PARP14: variants seen among roughly 807,000 people sequenced by gnomAD.
PARP14 encodes the protein protein mono-ADP-ribosyltransferase PARP14.
A neutral mutation model predicts 154.2 loss-of-function variants in PARP14; 59 were observed. The observed-to-expected ratio is 0.38, with a 90% confidence interval of 0.31 to 0.48. The LOEUF is 0.48. PARP14 is among the 20% of genes least tolerant of loss of function. The pLI, the probability that PARP14 is intolerant of heterozygous loss-of-function variation, is 0.98. For missense variants in PARP14, 1,734 were observed against 2,131.6 expected (o/e 0.81, Z 3.67); for synonymous variants, 720 against 780.5 (o/e 0.92, Z 1.29).
Position 122,695,672 on chromosome 3 carries a change from A to G in PARP14, c.835+10A>G. On this transcript the variant is annotated intron_variant, in intron 5 of 16. Coordinates refer to ENST00000474629, the MANE Select transcript of PARP14 (RefSeq NM_017554.3). ...TTTTTTGACAGAAAAGGTAATATTT[A>G]TTAACCTGTCATACCTGGCATAATC... 7.6e-7 allele frequency: 1 copy of G among 1,311,428 alleles called. No homozygotes were observed. The highest frequency in any genetic ancestry group is 1.2e-5 in the South Asian group (1 of 81,990). 81.2% of individuals were successfully genotyped at this position (1,311,428 alleles called of 1,614,324 possible). A position where few individuals can be genotyped will look rare whatever the true frequency, so the allele number is the denominator to read the frequency against.
intron 5 of PARP14, 59 bp from the exon 6 acceptor site, chr3:122,699,331 T>G: frequency 9.9e-7 from 1 of 1,008,524 alleles, no homozygotes; most frequent in Non-Finnish European, 1.4e-6. Flanking sequence ...AATTTTGTTT[T>G]GTTTTTATTT....
At position 122,699,559 on chromosome 3, in the gene PARP14, G is replaced by A. The variant is rs770189296; in HGVS notation, c.1005G>A (p.Gln335=). 6.2e-7 allele frequency: 1 copy of A among 1,614,004 alleles called. No individual in the cohort carries two copies. Among genetic ancestry groups the A allele is most frequent in the South Asian group, 1.1e-5 (1 of 91,084 alleles). The change falls in exon 6 of 17, where the codon CAG becomes CAA. Residue 335 remains glutamine, a synonymous_variant. Transcript: ENST00000474629. ...SLDLPLWKFL[Q]KKNHLIEEIN... is the part of the protein sequence containing the mutation. The stretch of plus-strand genomic sequence containing the variant: ...ATCTTCCCTTATGGAAGTTCTTACA[G>A]AAAAAGAATCACCTCATTGAGGAGA...
intron 12 of PARP14, among the ~76,000 whole-genome samples, chr3:122,716,753 TC>T (rs1156260280): frequency 6.6e-6 from 1 of 152,188 alleles, no homozygotes; most frequent in Non-Finnish European, 1.5e-5. Flanking sequence ...GCTCCATGCT[TC>T]CTCCATACCC....
At chr3:122,724,850 C>T (rs1395000301) in intron 15 of PARP14, among the ~76,000 whole-genome samples, 1 of 152,024 alleles carries the variant, frequency 6.6e-6, no homozygotes, top group Non-Finnish European at 1.5e-5. Flanking sequence ...GTGGTGATGA[C>T]TCTTAAGGAG....
Position 122,701,552 on chromosome 3 carries a change from A to G in PARP14, c.2998A>G (p.Lys1000Glu). 1 of 1,610,822 alleles carries G rather than the reference A, an allele frequency of 6.2e-7. No homozygotes were observed. The highest frequency in any genetic ancestry group is 8.5e-7 in the Non-Finnish European group (1 of 1,178,248). The change falls in exon 6 of 17, where the codon AAA becomes GAA. Residue 1000 changes from lysine to glutamate, a missense_variant. Physicochemically the swap from Lys to Glu is moderately conservative, Grantham distance 56. This residue lies in a region of PARP14 where 1,646 missense variants were observed against 1,976.0 expected (regional missense o/e 0.83). Transcript: ENST00000474629. The surrounding 1 kb of genome is among the most constrained non-coding windows in gnomAD (Gnocchi z 4.0). Reference protein sequence around the residue: ...GLPPAAAGPGKTSWEKGSLVS... With the variant: ...GLPPAAAGPGETSWEKGSLVS... Reference sequence around the variant, plus strand: ...ACCACCAGCAGCAGCGGGGCCTGGGAAAACATCATGGGAAAAAGGAAGCCT... The same window carrying G: ...ACCACCAGCAGCAGCGGGGCCTGGGGAAACATCATGGGAAAAAGGAAGCCT...
chr3:122,694,379 T>A (rs1335949731), intron 4 of PARP14, among the ~76,000 whole-genome samples: 2 of 152,174 alleles, frequency 1.3e-5, no homozygotes, highest in African/African-American at 4.8e-5. Flanking sequence ...CCAGTATTAG[T>A]CTTCCCACCT....
chr3:122,705,904 C>A (rs958764711), intron 8 of PARP14, among the ~76,000 whole-genome samples: 1 of 152,198 alleles, frequency 6.6e-6, no homozygotes, highest in Non-Finnish European at 1.5e-5. Context: ...GCAACAGAAG[C>A]TTTTAAAATA....
intron 9 of PARP14, among the ~76,000 whole-genome samples, chr3:122,710,238 A>G (rs1317729967): frequency 6.6e-6 from 1 of 152,046 alleles, no homozygotes; most frequent in Non-Finnish European, 1.5e-5. Flanking sequence ...TTTTTATATG[A>G]GGTGAGAGAT....
Position 122,700,742 on chromosome 3 carries a change from A to G in PARP14, c.2188A>G (p.Ile730Val), listed in dbSNP as rs776983030. 3.7e-6 allele frequency: 6 copies of G among 1,613,420 alleles called. No homozygotes were observed. Among genetic ancestry groups the G allele is most frequent in the East Asian group, 2.2e-5 (1 of 44,888 alleles). The stretch of plus-strand genomic sequence containing the variant: ...GACCGAAGTACTGAAGGCAGTGGAC[A>G]TTGTCAAGCAAGTCTGGGATTCAGT... ...SKTEVLKAVDIVKQVWDSVCV... is the reference protein window; with the variant it reads ...SKTEVLKAVDVVKQVWDSVCV... Residue 730 changes from isoleucine to valine, a missense_variant, in exon 6 of 17, where the codon ATT becomes GTT. By Grantham distance (29) the Ile-to-Val change is conservative. Around this residue, in one of 2 missense-constraint regions of PARP14, gnomAD observed 1,646 missense variants for 1,976.0 expected, o/e 0.83. Coordinates refer to ENST00000474629, the MANE Select transcript of PARP14 (RefSeq NM_017554.3).
In PARP14 at chr3:122,700,974, A is replaced by G. The variant is rs1288683728; in HGVS notation, c.2420A>G (p.Gln807Arg). 6.2e-7 allele frequency: 1 copy of G among 1,613,992 alleles called. No homozygotes were observed. The highest frequency in any genetic ancestry group is 8.5e-7 in the Non-Finnish European group (1 of 1,179,874). The change falls in exon 6 of 17, where the codon CAG becomes CGG. Residue 807 changes from glutamine to arginine, a missense_variant. Physicochemically the swap from Gln to Arg is conservative, Grantham distance 43. This residue lies in a region of PARP14 where 1,646 missense variants were observed against 1,976.0 expected (regional missense o/e 0.83). Coordinates refer to ENST00000474629, the MANE Select transcript of PARP14 (RefSeq NM_017554.3). Reference protein sequence around the residue: ...VLAPGVVLIVQQGDLARLPVD... With the variant: ...VLAPGVVLIVRQGDLARLPVD... ...GCCCCTGGCGTTGTGCTGATTGTGC[A>G]GCAGGGTGACTTGGCACGGCTTCCT...
At chr3:122,689,028 C>T (rs950343097) in intron 3 of PARP14, among the ~76,000 whole-genome samples, 1 of 152,162 alleles carries the variant, frequency 6.6e-6, no homozygotes, top group Non-Finnish European at 1.5e-5. Context: ...GGAGAAGAGA[C>T]AAGGGCAAGA....
rs1230512771 is a variant in PARP14, at chr3:122,699,953, T to C, written c.1399T>C (p.Leu467=). The C allele has an allele frequency of 6.2e-7, 1 of 1,613,726 alleles. No homozygotes were observed. The highest frequency in any genetic ancestry group is 8.5e-7 in the Non-Finnish European group (1 of 1,179,820). ...TQKIKREEQS[L]KEKMIISPGR... is the part of the protein sequence containing the mutation. ...AAAAATTAAAAGGGAAGAGCAAAGT[T>C]TGAAGGAAAAAATGATCATTTCTCC... Residue 467 remains leucine (L), a synonymous_variant, in exon 6 of 17, where the codon TTG becomes CTG. Transcript: ENST00000474629.
At chr3:122,713,268 A>G (rs1939379781) in intron 9 of PARP14, among the ~76,000 whole-genome samples, 156 bp from the exon 10 acceptor site, 2 of 152,232 alleles carry the variant, frequency 1.3e-5, no homozygotes, top group Admixed American at 6.5e-5. Flanking sequence ...TAAACAGATC[A>G]TCACTGAGGC....
rs1158486528 is a variant in PARP14 at position 122,698,743 on chromosome 3, A to G, written c.836-647A>G. ...AAGCACTCAGAATAGTGTGTGACAC[A>G]TGCTAAGCTATAATAATTTATTATT... On this transcript the variant is annotated intron_variant, in intron 5 of 16. Coordinates refer to ENST00000474629, the MANE Select transcript of PARP14 (RefSeq NM_017554.3). Among the ~76,000 whole-genome samples, 6 of 152,226 alleles carry G rather than the reference A, an allele frequency of 3.9e-5. No individual in the cohort carries two copies. In the South Asian group the frequency reaches 1.0e-3, roughly 26 times the overall value.
In PARP14 at chr3:122,730,404, T is replaced by C. The variant is rs1338428843; in HGVS notation, c.*1807T>C. ...GATACTGACACGGAGCCAATGCAGATAGCACATCAGATGCTAGGGGTCGCT... is the reference window on the plus strand; with the variant it reads ...GATACTGACACGGAGCCAATGCAGACAGCACATCAGATGCTAGGGGTCGCT... On this transcript the variant is annotated 3_prime_UTR_variant, in exon 17 of 17. Coordinates refer to ENST00000474629, the MANE Select transcript of PARP14 (RefSeq NM_017554.3). 1 of 152,250 alleles carries C rather than the reference T, an allele frequency of 6.6e-6. No individual in the cohort carries two copies. The highest frequency in any genetic ancestry group is 2.1e-4 in the South Asian group (1 of 4,828). 9.4% of individuals were successfully genotyped at this position (152,250 alleles called of 1,614,324 possible).
At chr3:122,713,602 A>G (rs1482627558) in intron 10 of PARP14, 29 bp downstream of exon 10, 4 of 1,593,668 alleles carry the variant, frequency 2.5e-6, no homozygotes, top group East Asian at 2.2e-5. Flanking sequence ...TGAGTGCAAT[A>G]GTTAATGGTA....
chr3:122,692,079 G>T (rs1029492086), intron 3 of PARP14, among the ~76,000 whole-genome samples: 2 of 152,040 alleles, frequency 1.3e-5, no homozygotes, highest in African/African-American at 4.8e-5. Flanking sequence ...GACCTATTTT[G>T]TCAAAATGAA....
chr3:122,697,793 A>C (rs1938826167), intron 5 of PARP14, among the ~76,000 whole-genome samples: 1 of 152,202 alleles, frequency 6.6e-6, no homozygotes, highest in African/African-American at 2.4e-5. Flanking sequence ...TCCCATTAAT[A>C]ATCTGCACAG....
rs1185874852 is a variant in PARP14 at position 122,681,271 on chromosome 3, G to A, written c.187+201G>A. ...GCGCTGCGGTTCCCCGGCGCCCTGC[G>A]CTTCCAGGCGCTTAATGGCGCGGCC... On this transcript the variant is annotated intron_variant, in intron 1 of 16. Coordinates refer to ENST00000474629, the MANE Select transcript of PARP14 (RefSeq NM_017554.3). The surrounding 1 kb of genome is among the most constrained non-coding windows in gnomAD (Gnocchi z 5.5). Among the ~76,000 whole-genome samples, 1 of 151,208 alleles carries A rather than the reference G, an allele frequency of 6.6e-6. No homozygotes were observed. Among genetic ancestry groups the A allele is most frequent in the Non-Finnish European group, 1.5e-5 (1 of 67,700 alleles).
Sources: gnomAD v4.1 joint callset for allele counts (sites outside exome capture counted in the v4.1 genomes callset) on GRCh38, gnomAD v4.1.1 for gene constraint, gnomAD v4.1.1 regional missense constraint, Gnocchi (gnomAD v3.1) non-coding constraint, MANE v1.5 for transcripts, NCBI Gene and HGNC (gene_info 2026-07-23, HGNC 2026-07-21) for gene names.